NUBPL: variants seen among roughly 807,000 people sequenced by gnomAD.
NUBPL encodes NUBP iron-sulfur cluster assembly factor, mitochondrial.
Under a neutral mutation model 45.7 loss-of-function variants are expected in NUBPL, and 31 were observed. That is an observed-to-expected ratio of 0.68 (90% CI 0.51 to 0.92). NUBPL has a LOEUF of 0.92. Ranked by LOEUF, NUBPL falls within the 40% of genes least tolerant of loss-of-function variation. The pLI is 0.00. For missense variants in NUBPL, 401 were observed against 398.7 expected (o/e 1.01, Z -0.05); for synonymous variants, 144 against 140.9 (o/e 1.02, Z -0.15).
chr14:31,793,557 C>T (rs2039421655), intron 7 of NUBPL, among the ~76,000 whole-genome samples: 1 of 152,148 alleles, frequency 6.6e-6, no homozygotes, highest in Admixed American at 6.6e-5. Flanking sequence ...TTTCTTTCAT[C>T]TTTGCATTTC....
chr14:31,652,866 G>T (rs553046363), intron 4 of NUBPL, among the ~76,000 whole-genome samples: 2 of 152,148 alleles, frequency 1.3e-5, no homozygotes, highest in East Asian at 1.9e-4. Flanking sequence ...TTTAACATAG[G>T]TTCTTTCTAT....
At chr14:31,587,674 T>TA (rs963551728) in intron 3 of NUBPL, among the ~76,000 whole-genome samples, 1 of 152,220 alleles carries the variant, frequency 6.6e-6, no homozygotes, top group South Asian at 2.1e-4. Flanking sequence ...TGTACTCTAT[T>TA]ATCTATATAA....
chr14:31,726,103 A>G (rs2037918402), intron 6 of NUBPL, among the ~76,000 whole-genome samples: 1 of 152,198 alleles, frequency 6.6e-6, no homozygotes, highest in African/African-American at 2.4e-5. Context: ...GGCCTTTCTC[A>G]TAAAAATAAA....
chr14:31,814,244 T>C (rs2138918671), intron 7 of NUBPL, among the ~76,000 whole-genome samples: 1 of 152,362 alleles, frequency 6.6e-6, no homozygotes, highest in South Asian at 2.1e-4. Flanking sequence ...CATAAGATGG[T>C]ATCTCATTGT....
intron 6 of NUBPL, among the ~76,000 whole-genome samples, chr14:31,678,980 G>A (rs979002164): frequency 1.3e-5 from 2 of 152,162 alleles, no homozygotes; most frequent in African/African-American, 2.4e-5. Flanking sequence ...TGGGATGAGC[G>A]ATTCCCCTCT....
In NUBPL at chr14:31,705,707, T is replaced by C. The variant is rs148260879; in HGVS notation, c.513+32133T>C. ...AGACACAGAGTGCTGATTGGTGCATTTACAAACCTTTAGCTAGACAGAAAA... is the reference window on the plus strand; with the variant it reads ...AGACACAGAGTGCTGATTGGTGCATCTACAAACCTTTAGCTAGACAGAAAA... On this transcript the variant is annotated intron_variant, in intron 6 of 10. Coordinates refer to ENST00000281081, the MANE Select transcript of NUBPL (RefSeq NM_025152.3). Among the ~76,000 whole-genome samples, 354 of 152,000 alleles carry C rather than the reference T, an allele frequency of 2.3e-3. 1 individual carries two copies. Among genetic ancestry groups the C allele is most frequent in the African/African-American group, 8.1e-3 (337 of 41,386 alleles).
chr14:31,694,046 AG>A (rs1445634522), intron 6 of NUBPL, among the ~76,000 whole-genome samples: 1 of 151,786 alleles, frequency 6.6e-6, no homozygotes, highest in African/African-American at 2.4e-5. Context: ...TAGTAGAGAC[AG>A]GGTTTCACCG....
Position 31,787,763 on chromosome 14 carries a change from C to T in NUBPL, c.514-17C>T, listed in dbSNP as rs965247944. 4 of 1,503,612 alleles carry T rather than the reference C, an allele frequency of 2.7e-6. No individual in the cohort carries two copies. The highest frequency in any genetic ancestry group is 2.7e-5 in the African/African-American group (2 of 72,966). 93.1% of individuals were successfully genotyped at this position (1,503,612 alleles called of 1,614,324 possible). A position where few individuals can be genotyped will look rare whatever the true frequency, so the allele number is the denominator to read the frequency against. Reference sequence around the variant, plus strand: ...TTGAATTTTTATACAATGATATAATCTATGTCATCTTTTTAGGTAGATTGG... The same window carrying T: ...TTGAATTTTTATACAATGATATAATTTATGTCATCTTTTTAGGTAGATTGG... On this transcript the variant is annotated splice_polypyrimidine_tract_variant and intron_variant, in intron 6 of 10. Coordinates refer to ENST00000281081, the MANE Select transcript of NUBPL (RefSeq NM_025152.3).
intron 4 of NUBPL, among the ~76,000 whole-genome samples, chr14:31,615,647 T>C (rs1347678267): frequency 1.3e-5 from 2 of 152,232 alleles, no homozygotes; most frequent in Non-Finnish European, 2.9e-5. Flanking sequence ...TATGGCTGCA[T>C]AATATTTCAT....
chr14:31,848,597 C>A (rs1430028893), intron 9 of NUBPL, among the ~76,000 whole-genome samples: 1 of 152,220 alleles, frequency 6.6e-6, no homozygotes, highest in Non-Finnish European at 1.5e-5. Context: ...TTCCTCATTT[C>A]TTTCAGACTT....
chr14:31,841,617 C>A (rs2040370040), intron 8 of NUBPL, among the ~76,000 whole-genome samples: 1 of 152,044 alleles, frequency 6.6e-6, no homozygotes, highest in Non-Finnish European at 1.5e-5. Context: ...TGATTAATTT[C>A]TTAATTTTAA....
chr14:31,700,827 C>G (rs1023466438), intron 6 of NUBPL, among the ~76,000 whole-genome samples: 1 of 152,088 alleles, frequency 6.6e-6, no homozygotes, highest in Admixed American at 6.5e-5. Context: ...CCAGCCCCCT[C>G]CCCCCCACCA....
At chr14:31,636,184 T>A (rs1238867689) in intron 4 of NUBPL, among the ~76,000 whole-genome samples, 6 of 152,102 alleles carry the variant, frequency 3.9e-5, no homozygotes, top group East Asian at 1.9e-4. Flanking sequence ...TCAAAGGGAA[T>A]GCTTCCAGTT....
chr14:31,776,382 C>A (rs1216838556), intron 6 of NUBPL, among the ~76,000 whole-genome samples: 1 of 152,116 alleles, frequency 6.6e-6, no homozygotes, highest in Admixed American at 6.5e-5. Context: ...GATGAGTTTG[C>A]CTTCACACAC....
At chr14:31,655,852 T>A (rs945407253) in intron 4 of NUBPL, among the ~76,000 whole-genome samples, 1 of 152,216 alleles carries the variant, frequency 6.6e-6, no homozygotes, top group African/African-American at 2.4e-5. Flanking sequence ...TGGATTCAAC[T>A]TAAAGTTACC....
At chr14:31,597,351 A>C (rs111275887) in intron 3 of NUBPL, among the ~76,000 whole-genome samples, 1,621 of 152,198 alleles carry the variant, frequency 0.011, 24 homozygotes, top group African/African-American at 0.037. Flanking sequence ...TGTAAAATCT[A>C]CTCTTACCGT....
intron 7 of NUBPL, among the ~76,000 whole-genome samples, chr14:31,799,659 A>G (rs1187075871): frequency 6.6e-6 from 1 of 152,220 alleles, no homozygotes; most frequent in Non-Finnish European, 1.5e-5. Context: ...CTTTAAAAAT[A>G]TACATTCCTT....
chr14:31,655,850 A>G (rs78282617), intron 4 of NUBPL, among the ~76,000 whole-genome samples: 7,203 of 152,276 alleles, frequency 0.047, 216 homozygotes, highest in Admixed American at 0.066. Flanking sequence ...ATTGGATTCA[A>G]CTTAAAGTTA....
chr14:31,621,599 T>G (rs1006430949), intron 4 of NUBPL, among the ~76,000 whole-genome samples: 1 of 152,114 alleles, frequency 6.6e-6, no homozygotes, highest in African/African-American at 2.4e-5. Flanking sequence ...CTGCTTTGGC[T>G]CACCCTCCAT....
Sources: allele counts gnomAD v4.1 joint callset (sites outside exome capture counted in the v4.1 genomes callset), GRCh38; gene constraint gnomAD v4.1.1; transcripts MANE v1.5; gene names NCBI Gene and HGNC (gene_info 2026-07-23, HGNC 2026-07-21).